The following APBB2 variants were observed in gnomAD, a reference collection of about 807,000 sequenced individuals.
The protein encoded by APBB2 is amyloid beta precursor protein binding family B member 2, also known as Fe65-like 1.
A neutral mutation model predicts 82.5 loss-of-function variants in APBB2; 38 were observed. The observed-to-expected ratio is 0.46, with a 90% confidence interval of 0.36 to 0.60. The LOEUF is 0.60. Among genes scored for constraint, APBB2 ranks in the 20% least tolerant of loss-of-function variants. The pLI is 0.00. For missense variants in APBB2, 772 were observed against 972.3 expected, an observed-to-expected ratio of 0.79 and a Z score of 2.74; for synonymous variants, 341 against 368.2, an observed-to-expected ratio of 0.93 and a Z score of 0.85.
intron 12 of APBB2, among the ~76,000 whole-genome samples, chr4:40,877,680 G>A (rs888738398): frequency 6.6e-5 from 10 of 152,194 alleles, no homozygotes; most frequent in Non-Finnish European, 1.5e-4. Flanking sequence ...CCTGGTTTTA[G>A]GACCTCACAG....
chr4:40,811,348 G>C lies in APBB2; in HGVS notation c.*4744C>G, dbSNP rs1246300500. ...GCGGGCGGATCACCTGAGGTCAGGA[G>C]TTCGAGACCAGCCTGGCCAACGTGG... On this transcript the variant is annotated 3_prime_UTR_variant, in exon 18 of 18. Transcript: ENST00000508593. 6.6e-6 allele frequency: 1 copy of C among 152,182 alleles called. No homozygotes were observed. Among genetic ancestry groups the C allele is most frequent in the African/African-American group, 2.4e-5 (1 of 41,436 alleles). 9.4% of individuals were successfully genotyped at this position (152,182 alleles called of 1,614,324 possible).
At chr4:41,029,955 G>A (rs1716046128) in intron 5 of APBB2, among the ~76,000 whole-genome samples, 1 of 152,072 alleles carries the variant, frequency 6.6e-6, no homozygotes, top group African/African-American at 2.4e-5. Flanking sequence ...AGAAGATCAA[G>A]GCCATCCTGG....
chr4:41,017,836 T>C (rs1293704810), intron 5 of APBB2, among the ~76,000 whole-genome samples: 3 of 152,178 alleles, frequency 2.0e-5, no homozygotes, highest in South Asian at 2.1e-4. Flanking sequence ...GATTTAATTA[T>C]GAAAAAAATA....
Position 40,927,581 on chromosome 4 carries a change from G to C in APBB2, c.1254+6875C>G, listed in dbSNP as rs62410336. Among the ~76,000 whole-genome samples the C allele has an allele frequency of 5.5e-3, 831 of 152,146 alleles. 5 individuals are homozygous for C. The highest frequency in any genetic ancestry group is 0.014 in the Middle Eastern group (4 of 294). On this transcript the variant is annotated intron_variant, in intron 10 of 17. Transcript: ENST00000508593. Reference sequence around the variant, plus strand: ...CTGTAGCCTCGACCTCCTTGGGCTCGAGTGATCTTCCCACCTCAGCCTCCC... The same window carrying C: ...CTGTAGCCTCGACCTCCTTGGGCTCCAGTGATCTTCCCACCTCAGCCTCCC...
At chr4:40,957,325 T>A (rs1290625515) in intron 6 of APBB2, among the ~76,000 whole-genome samples, 5 of 152,186 alleles carry the variant, frequency 3.3e-5, no homozygotes, top group Non-Finnish European at 7.3e-5. Flanking sequence ...CATTTTTTTT[T>A]ATTAAAAAGG....
chr4:41,126,094 GA>G (rs1269206608), intron 2 of APBB2, among the ~76,000 whole-genome samples: 1 of 151,874 alleles, frequency 6.6e-6, no homozygotes, highest in East Asian at 1.9e-4. Context: ...AAAATGATCA[GA>G]AAGGCCAGGC....
chr4:40,991,977 ATCTC>A (rs146471020), intron 6 of APBB2, among the ~76,000 whole-genome samples: 37 of 151,434 alleles, frequency 2.4e-4, no homozygotes, highest in African/African-American at 7.3e-4. Flanking sequence ...CCTCCTCCCC[ATCTC>A]TCTCTCTCAC....
intron 7 of APBB2, among the ~76,000 whole-genome samples, chr4:40,944,217 A>G (rs1177407275): frequency 1.3e-5 from 2 of 152,240 alleles, no homozygotes; most frequent in Non-Finnish European, 2.9e-5. Context: ...GGGATTCACA[A>G]AAGTTCACTG....
At chr4:41,088,698 T>C (rs1579935691) in intron 3 of APBB2, among the ~76,000 whole-genome samples, 1 of 152,200 alleles carries the variant, frequency 6.6e-6, no homozygotes, top group African/African-American at 2.4e-5. Context: ...GGCAGCCTGG[T>C]AGAGGGCCCA....
rs567926859 is a variant in APBB2 at position 40,817,193 on chromosome 4, A to C, written c.2113-934T>G. The stretch of plus-strand genomic sequence containing the variant: ...GAGGCTGAGGGAGGCGGATCACTTG[A>C]GCCCAGGAGTTTGAAACCGGCCTGG... On this transcript the variant is annotated intron_variant, in intron 17 of 17. Coordinates refer to ENST00000508593, the MANE Select transcript of APBB2 (RefSeq NM_004307.2). 2.6e-5 allele frequency among the ~76,000 whole-genome samples: 4 copies of C among 152,252 alleles called. No homozygotes were observed. The East Asian group carries it at 7.7e-4, about 29-fold the overall frequency.
rs958553816 is a variant in APBB2 at position 40,811,956 on chromosome 4, A to C, written c.*4136T>G. 3.9e-5 allele frequency: 6 copies of C among 152,200 alleles called. No individual in the cohort carries two copies. Among genetic ancestry groups the C allele is most frequent in the African/African-American group, 1.4e-4 (6 of 41,448 alleles). The allele number at this position is 152,200 out of a possible 1,614,324, so 9.4% of individuals were successfully genotyped here. A position where few individuals can be genotyped will look rare whatever the true frequency, so the allele number is the denominator to read the frequency against. On this transcript the variant is annotated 3_prime_UTR_variant, in exon 18 of 18. Transcript: ENST00000508593. Reference sequence around the variant, plus strand: ...CCTCTATTCTTTATTCTTTGATGTCAGGTTCTTAAAGGAAGTGATAAACTT... The same window carrying C: ...CCTCTATTCTTTATTCTTTGATGTCCGGTTCTTAAAGGAAGTGATAAACTT...
intron 12 of APBB2, among the ~76,000 whole-genome samples, chr4:40,845,820 T>G (rs1329664750): frequency 6.6e-6 from 1 of 152,086 alleles, no homozygotes; most frequent in African/African-American, 2.4e-5. Context: ...GATGTTTGTC[T>G]TTCATCACTG....
At chr4:41,195,707 A>G in intron 1 of APBB2, among the ~76,000 whole-genome samples, 1 of 152,016 alleles carries the variant, frequency 6.6e-6, no homozygotes, top group African/African-American at 2.4e-5. Context: ...TCCCACCTTC[A>G]GCCCTACCCT....
chr4:41,072,051 A>AG (rs769155589), intron 3 of APBB2, among the ~76,000 whole-genome samples: 41 of 152,330 alleles, frequency 2.7e-4, no homozygotes, highest in Non-Finnish European at 5.0e-4. Flanking sequence ...GAGAATCAAA[A>AG]GGAAGAGACT....
intron 2 of APBB2, among the ~76,000 whole-genome samples, chr4:41,109,848 T>C (rs1713518160): frequency 6.6e-6 from 1 of 152,158 alleles, no homozygotes; most frequent in African/African-American, 2.4e-5. Context: ...TTCCAACATG[T>C]GGAATAATTT....
rs750285666 is a variant in APBB2 at position 41,014,010 on chromosome 4, C to T, written c.408G>A (p.Glu136=). Residue 136 remains glutamate, a synonymous_variant, in exon 6 of 18, where the codon GAG becomes GAA. Transcript: ENST00000508593. The part of the protein sequence containing the change: ...AVINITSEKL[E]GKEPHPQDSS... The stretch of plus-strand genomic sequence containing the variant: ...AATCCTGTGGGTGGGGCTCTTTACC[C>T]TCTAACTTCTCAGAAGTTATGTTGA... 2.5e-6 allele frequency: 4 copies of T among 1,614,116 alleles called. No individual in the cohort carries two copies. The highest frequency in any genetic ancestry group is 3.4e-6 in the Non-Finnish European group (4 of 1,179,988).
intron 2 of APBB2, among the ~76,000 whole-genome samples, chr4:41,115,271 T>C (rs1475138613): frequency 1.3e-5 from 2 of 152,128 alleles, no homozygotes; most frequent in Non-Finnish European, 1.5e-5. Context: ...GCTAGCCATA[T>C]GCAGAAAACT....
At chr4:40,848,922 C>T in intron 12 of APBB2, 1 of 985,324 alleles carries the variant, frequency 1.0e-6, no homozygotes, top group Non-Finnish European at 1.2e-6. Context: ...TGAAGCTACC[C>T]TATTTCCCTC....
intron 10 of APBB2, 22 bp from the exon 11 acceptor site, chr4:40,893,433 C>A (rs781187049): frequency 6.3e-7 from 1 of 1,591,274 alleles, no homozygotes; most frequent in South Asian, 1.1e-5. Flanking sequence ...TGAAAGAGGA[C>A]AAGAAGTCAC....
Sources: allele counts gnomAD v4.1 joint callset (sites outside exome capture counted in the v4.1 genomes callset), GRCh38; gene constraint gnomAD v4.1.1; transcripts MANE v1.5; gene names NCBI Gene and HGNC (gene_info 2026-07-23, HGNC 2026-07-21).